The following ALK variants were observed in gnomAD, a reference collection of about 807,000 sequenced individuals.
The protein encoded by ALK is ALK receptor tyrosine kinase.
In ALK, 74 loss-of-function variants were observed where a neutral mutation model predicts 163.1. The ratio of observed to expected loss-of-function variants is 0.45; its 90% CI spans 0.38 to 0.55. The LOEUF (loss-of-function observed/expected upper bound fraction) is 0.55. ALK is among the 20% of genes least tolerant of loss of function. The pLI is 0.00. For missense variants in ALK, 2,063 were observed against 2,105.3 expected (o/e 0.98, Z 0.39); for synonymous variants, 960 against 843.2 (o/e 1.14, Z -2.40).
intron 5 of ALK, among the ~76,000 whole-genome samples, chr2:29,340,477 G>A (rs1179454734): frequency 2.6e-5 from 4 of 152,126 alleles, no homozygotes; most frequent in African/African-American, 9.7e-5. Flanking sequence ...AGCTACGCAG[G>A]AGGTCATCCT....
intron 1 of ALK, among the ~76,000 whole-genome samples, chr2:29,794,020 A>C (rs1413953886): frequency 1.3e-5 from 2 of 152,234 alleles, no homozygotes; most frequent in East Asian, 3.9e-4. Flanking sequence ...GTAGCTATGA[A>C]AGTCCTAAGT....
intron 1 of ALK, among the ~76,000 whole-genome samples, chr2:29,753,068 T>C (rs1055664203): frequency 1.3e-5 from 2 of 152,100 alleles, no homozygotes; most frequent in Admixed American, 6.6e-5. Context: ...GAAAAGGCCT[T>C]TGAATGTCAC....
At chr2:29,293,058 C>G (rs72790293) in intron 9 of ALK, among the ~76,000 whole-genome samples, 2 of 152,194 alleles carry the variant, frequency 1.3e-5, no homozygotes, top group Non-Finnish European at 1.5e-5. Context: ...AAAGAAAGCA[C>G]AGGTACCAGG....
chr2:29,489,299 CATT>C (rs1224630702), intron 4 of ALK, among the ~76,000 whole-genome samples: 1 of 152,034 alleles, frequency 6.6e-6, no homozygotes, highest in Non-Finnish European at 1.5e-5. Context: ...TAGGATGTTA[CATT>C]ATTATTATTA....
rs1665326033 is a variant in ALK, at chr2:29,269,645, G to C, written c.2041+5454C>G. ...ATCACTAGTGTGCTTGCTATAAATA[G>C]GTGATAATCTAAAATTAGCGAGATA... On this transcript the variant is annotated intron_variant, in intron 11 of 28. Coordinates refer to ENST00000389048, the MANE Select transcript of ALK (RefSeq NM_004304.5). Among the ~76,000 whole-genome samples the C allele has an allele frequency of 2.0e-5, 3 of 152,272 alleles. No homozygotes were observed. The South Asian group carries it at 6.2e-4, about 32-fold the overall frequency.
At chr2:29,433,580 G>A (rs936969716) in intron 4 of ALK, among the ~76,000 whole-genome samples, 83 of 152,196 alleles carry the variant, frequency 5.5e-4, no homozygotes, top group African/African-American at 1.9e-3. Flanking sequence ...TAATCACTGA[G>A]GGCAATATAG....
At chr2:29,516,593 A>G (rs1672672680) in intron 4 of ALK, among the ~76,000 whole-genome samples, 1 of 152,174 alleles carries the variant, frequency 6.6e-6, no homozygotes, top group Admixed American at 6.5e-5. Context: ...ACCTCTCTAC[A>G]TCTCTTCTGG....
chr2:29,802,781 T>C (rs1186967880), intron 1 of ALK, among the ~76,000 whole-genome samples: 1 of 151,484 alleles, frequency 6.6e-6, no homozygotes, highest in African/African-American at 2.4e-5. Context: ...GGAACTCTTT[T>C]TTTTTTTTTT....
intron 4 of ALK, among the ~76,000 whole-genome samples, chr2:29,444,856 A>G (rs1230204342): frequency 2.0e-5 from 3 of 152,180 alleles, no homozygotes; most frequent in African/African-American, 4.8e-5. Flanking sequence ...TGGTTATAGT[A>G]GCTGACTCCT....
At chr2:29,265,343 G>GTT in intron 11 of ALK, among the ~76,000 whole-genome samples, 1 of 152,238 alleles carries the variant, frequency 6.6e-6, no homozygotes, top group East Asian at 1.9e-4. Context: ...AAGAAAACAC[G>GTT]TGAGTCCTAC....
At chr2:29,851,838 A>G (rs954159959) in intron 1 of ALK, among the ~76,000 whole-genome samples, 2 of 152,218 alleles carry the variant, frequency 1.3e-5, no homozygotes, top group Admixed American at 1.3e-4. Context: ...TTGCTGCTTA[A>G]AACAGCTCTG....
intron 12 of ALK, among the ~76,000 whole-genome samples, chr2:29,241,048 G>A (rs1292568785): frequency 6.6e-6 from 1 of 152,202 alleles, no homozygotes; most frequent in African/African-American, 2.4e-5. Flanking sequence ...GAACATGGCA[G>A]GCAAGGAACT....
intron 4 of ALK, among the ~76,000 whole-genome samples, chr2:29,514,055 CT>C (rs1476467863): frequency 9.9e-6 from 1 of 100,676 alleles, no homozygotes; most frequent in Non-Finnish European, 2.1e-5. Flanking sequence ...GTTGGTGAGA[CT>C]GTAAACTAGT....
chr2:29,742,280 C>T (rs978302704), intron 1 of ALK, among the ~76,000 whole-genome samples: 3 of 152,246 alleles, frequency 2.0e-5, no homozygotes, highest in African/African-American at 7.2e-5. Context: ...AAGCACTCTA[C>T]ATTGCTTTTC....
chr2:29,245,523 G>T (rs549131350), intron 12 of ALK, among the ~76,000 whole-genome samples: 1 of 145,724 alleles, frequency 6.9e-6, no homozygotes, highest in African/African-American at 2.6e-5. Flanking sequence ...ACATAGTAGG[G>T]GCTCCATGTC....
chr2:29,615,524 C>T (rs911467041), intron 3 of ALK, among the ~76,000 whole-genome samples: 2 of 152,202 alleles, frequency 1.3e-5, no homozygotes, highest in African/African-American at 4.8e-5. Context: ...GAGATAGTGT[C>T]GAACTCATAG....
Position 29,233,590 on chromosome 2 carries a change from C to T in ALK, c.2462G>A (p.Gly821Glu). 1 of 1,614,186 alleles carries T rather than the reference C, an allele frequency of 6.2e-7. No individual in the cohort carries two copies. The highest frequency in any genetic ancestry group is 8.5e-7 in the Non-Finnish European group (1 of 1,180,018). The change falls in exon 14 of 29, where the codon GGG (glycine) becomes GAG (glutamate). Residue 821 changes from glycine (G) to glutamate (E), a missense_variant. Physicochemically the swap from Gly to Glu is moderately conservative, Grantham distance 98. This residue lies in a region of ALK where 575 missense variants were observed against 626.6 expected (regional missense o/e 0.92). Coordinates refer to ENST00000389048, the MANE Select transcript of ALK (RefSeq NM_004304.5). ...VHEWAGGGGG[G>E]GGATYVFKMK... The stretch of plus-strand genomic sequence containing the variant: ...CTTAAATACGTAGGTGGCTCCACCC[C>T]CTCCTCCTCCGCCTCCTGCCCACTC...
intron 3 of ALK, among the ~76,000 whole-genome samples, chr2:29,566,006 C>G (rs1558387006): frequency 6.6e-6 from 1 of 152,142 alleles, no homozygotes; most frequent in Non-Finnish European, 1.5e-5. Context: ...CCCAGTGTGT[C>G]AAGCTGTGGA....
intron 3 of ALK, among the ~76,000 whole-genome samples, chr2:29,660,996 A>T (rs1677331423): frequency 1.3e-5 from 2 of 152,106 alleles, no homozygotes; most frequent in African/African-American, 4.8e-5. Context: ...CACACCGGAC[A>T]TCTTCCTGGG....
Sources: gnomAD v4.1 joint callset for allele counts (sites outside exome capture counted in the v4.1 genomes callset) on GRCh38, gnomAD v4.1.1 for gene constraint, gnomAD v4.1.1 regional missense constraint, MANE v1.5 for transcripts, NCBI Gene and HGNC (gene_info 2026-07-23, HGNC 2026-07-21) for gene names.